The following RHBDD1 variants were observed in gnomAD, a reference collection of about 807,000 sequenced individuals.
RHBDD1 encodes the protein rhomboid-related protein 4.
A neutral mutation model predicts 36.3 loss-of-function variants in RHBDD1; 38 were observed. That is an observed-to-expected ratio of 1.05 (90% CI 0.81 to 1.37). The LOEUF is 1.37. Among genes scored for constraint, RHBDD1 ranks in the 40% most tolerant of loss-of-function variants. RHBDD1 has a pLI of 0.00. For synonymous variants in RHBDD1, 151 were observed against 136.5 expected (o/e 1.11, Z -0.74); for missense variants, 393 against 377.6 (o/e 1.04, Z -0.34).
At chr2:226,858,141 G>A (rs1943512665) in intron 3 of RHBDD1, among the ~76,000 whole-genome samples, 1 of 152,142 alleles carries the variant, frequency 6.6e-6, no homozygotes, top group African/African-American at 2.4e-5. Context: ...TGAGTGATAA[G>A]AAGCCTCTTG....
chr2:226,851,192 C>G (rs1178586062), intron 3 of RHBDD1, among the ~76,000 whole-genome samples: 5 of 152,018 alleles, frequency 3.3e-5, no homozygotes, highest in Non-Finnish European at 2.9e-5. Flanking sequence ...TTTTTTCCAT[C>G]AAGGAGAGTT....
intron 5 of RHBDD1, among the ~76,000 whole-genome samples, chr2:226,900,020 A>G (rs568542173): frequency 6.6e-6 from 1 of 152,292 alleles, no homozygotes; most frequent in Admixed American, 6.5e-5. Flanking sequence ...TGATGTCTGA[A>G]ATTCTTGTTT....
the RHBDD1 span, among the ~76,000 whole-genome samples, chr2:226,830,447 A>C: frequency 6.6e-6 from 1 of 152,238 alleles, no homozygotes; most frequent in African/African-American, 2.4e-5. Flanking sequence ...AAACAGACTA[A>C]GACAGATGAC....
At chr2:226,839,060 G>T (rs924283175) in intron 2 of RHBDD1, among the ~76,000 whole-genome samples, 1 of 152,128 alleles carries the variant, frequency 6.6e-6, no homozygotes, top group Non-Finnish European at 1.5e-5. Flanking sequence ...TTTAAAACAC[G>T]AATTCTTAAT....
chr2:226,936,822 T>C (rs1950360178), intron 8 of RHBDD1, among the ~76,000 whole-genome samples: 1 of 152,150 alleles, frequency 6.6e-6, no homozygotes, highest in African/African-American at 2.4e-5. Flanking sequence ...TTCATTACTA[T>C]CAAGGTAAAA....
In RHBDD1 at chr2:226,995,768, A is replaced by T; in HGVS notation, c.*246A>T. 1.2e-5 allele frequency: 6 copies of T among 497,174 alleles called. No homozygotes were observed. In the South Asian group the frequency reaches 1.9e-4, roughly 16 times the overall value. The allele number at this position is 497,174 out of a possible 1,614,324, so 30.8% of individuals were successfully genotyped here. A position where few individuals can be genotyped will look rare whatever the true frequency, so the allele number is the denominator to read the frequency against. On this transcript the variant is annotated 3_prime_UTR_variant, in exon 9 of 9. Coordinates refer to ENST00000392062, the MANE Select transcript of RHBDD1 (RefSeq NM_001167608.3). ...AGGTCACTTCCTCCATGAAGAGACC[A>T]GTTTCCACGCTCCCATCTCTCACTG...
chr2:226,804,679 AT>A, the RHBDD1 span: 1 of 152,260 alleles, frequency 6.6e-6, no homozygotes, highest in East Asian at 1.9e-4. Context: ...TCAACAGATG[AT>A]TTCAAAACAT....
rs1369733902 is a variant in RHBDD1, at chr2:226,939,966, A to G, written c.856+25615A>G. Among the ~76,000 whole-genome samples, 3 of 151,942 alleles carry G rather than the reference A, an allele frequency of 2.0e-5. No homozygotes were observed. In the East Asian group the frequency reaches 5.8e-4, roughly 29 times the overall value. ...AGAGAACCCAGAAATAAGACTGTGT[A>G]CACCTACAACTATCTGATCTTTGAC... On this transcript the variant is annotated intron_variant, in intron 8 of 8. Coordinates refer to ENST00000392062, the MANE Select transcript of RHBDD1 (RefSeq NM_001167608.3).
chr2:226,930,122 A>G (rs987628923), intron 8 of RHBDD1, among the ~76,000 whole-genome samples: 1 of 152,040 alleles, frequency 6.6e-6, no homozygotes, highest in African/African-American at 2.4e-5. Flanking sequence ...TCCTATCAAG[A>G]TACTAACACT....
intron 5 of RHBDD1, among the ~76,000 whole-genome samples, chr2:226,875,328 T>C (rs1296605620): frequency 6.6e-6 from 1 of 152,240 alleles, no homozygotes; most frequent in Non-Finnish European, 1.5e-5. Flanking sequence ...TGGACTGATA[T>C]CTCATTGTTT....
At chr2:226,830,019 G>A in the RHBDD1 span, among the ~76,000 whole-genome samples, 2 of 151,794 alleles carry the variant, frequency 1.3e-5, no homozygotes, top group African/African-American at 4.8e-5. Context: ...TAGATTGAGG[G>A]AGTTCCCTTC....
At chr2:226,966,724 A>G (rs1431748271) in intron 8 of RHBDD1, among the ~76,000 whole-genome samples, 2 of 152,170 alleles carry the variant, frequency 1.3e-5, no homozygotes, top group Non-Finnish European at 2.9e-5. Context: ...AGCTTGTTAG[A>G]AATGCATATT....
chr2:226,818,677 A>C, the RHBDD1 span, among the ~76,000 whole-genome samples: 1 of 151,652 alleles, frequency 6.6e-6, no homozygotes, highest in Non-Finnish European at 1.5e-5. Flanking sequence ...CGTCTCTCCT[A>C]AAAATACAAA....
chr2:226,942,640 A>C (rs566921437), intron 8 of RHBDD1: 24 of 204,738 alleles, frequency 1.2e-4, no homozygotes, highest in African/African-American at 5.5e-4. Flanking sequence ...ATTTACAGAG[A>C]TAGCAATGAC....
intron 5 of RHBDD1, among the ~76,000 whole-genome samples, chr2:226,884,285 G>A (rs1269466388): frequency 1.3e-5 from 2 of 151,990 alleles, no homozygotes; most frequent in African/African-American, 4.8e-5. Flanking sequence ...TTACATTCAG[G>A]TTTGGTTCAA....
chr2:226,987,368 G>A (rs771852447), intron 8 of RHBDD1, among the ~76,000 whole-genome samples: 5 of 152,164 alleles, frequency 3.3e-5, no homozygotes, highest in African/African-American at 2.4e-5. Context: ...TGGGAGGACG[G>A]CACTGAAGAG....
intron 5 of RHBDD1, among the ~76,000 whole-genome samples, chr2:226,890,027 C>G (rs1282728530): frequency 1.3e-5 from 2 of 152,166 alleles, no homozygotes; most frequent in African/African-American, 2.4e-5. Flanking sequence ...GGGCAGGGTG[C>G]TACCATTTCC....
chr2:226,900,477 G>A (rs549995673), intron 5 of RHBDD1, among the ~76,000 whole-genome samples: 10 of 152,208 alleles, frequency 6.6e-5, no homozygotes, highest in South Asian at 2.1e-4. Flanking sequence ...TTATAGTTAC[G>A]ATTTTTCTAA....
At chr2:226,835,227 A>G (rs1940858884), upstream of RHBDD1, among the ~76,000 whole-genome samples, 2 of 152,286 alleles carry the variant, frequency 1.3e-5, 1 homozygote, top group South Asian at 4.1e-4. Flanking sequence ...TAGTTTTTTC[A>G]TATCCTATTA....
Sources: allele counts gnomAD v4.1 joint callset (sites outside exome capture counted in the v4.1 genomes callset), GRCh38; gene constraint gnomAD v4.1.1; transcripts MANE v1.5; gene names NCBI Gene and HGNC (gene_info 2026-07-23, HGNC 2026-07-21).